Variants in KDM1B observed in about 807,000 individuals in gnomAD.
KDM1B encodes lysine-specific histone demethylase 2.
A neutral mutation model predicts 107.4 loss-of-function variants in KDM1B; 63 were observed. The ratio of observed to expected loss-of-function variants is 0.59; its 90% CI spans 0.48 to 0.72. The LOEUF (loss-of-function observed/expected upper bound fraction) is 0.72. Ranked by LOEUF, KDM1B falls within the 30% of genes least tolerant of loss-of-function variation. KDM1B has a pLI of 0.00. For synonymous variants in KDM1B, 363 were observed against 363.9 expected (o/e 1.00, Z 0.03); for missense variants, 749 against 1,020.8 (o/e 0.73, Z 3.63).
chr6:18,193,194 TAAAAAAAA>T (rs541938365), intron 10 of KDM1B, among the ~76,000 whole-genome samples: 1 of 60,078 alleles, frequency 1.7e-5, no homozygotes, highest in Non-Finnish European at 3.4e-5. Flanking sequence ...AAACTCTGTC[TAAAAAAAA>T]AAAAAAAAAA....
intron 10 of KDM1B, among the ~76,000 whole-genome samples, chr6:18,193,525 C>T (rs879711909): frequency 7.3e-5 from 11 of 151,646 alleles, no homozygotes; most frequent in African/African-American, 2.4e-4. Context: ...TGTTCTCAAA[C>T]TTCTGGGCTT....
chr6:18,197,227 C>T lies in KDM1B; in HGVS notation c.1140C>T (p.Tyr380=). The T allele has an allele frequency of 1.2e-6, 2 of 1,613,326 alleles. No individual in the cohort carries two copies. The highest frequency in any genetic ancestry group is 1.7e-6 in the Non-Finnish European group (2 of 1,179,490). ...GADQYLLPKD[Y]HNKSVIIIGA... The stretch of plus-strand genomic sequence containing the variant: ...ACCAGTATCTTCTCCCTAAGGACTA[C>T]CACAATGTAGGTGATTATAGCTTTA... The change falls in exon 11 of 22, where the codon TAC becomes TAT. Residue 380 remains tyrosine, a synonymous_variant. Coordinates refer to ENST00000650836, the MANE Select transcript of KDM1B (RefSeq NM_001364614.2). This position sits in a 1 kb window ranked among gnomAD's most constrained non-coding sequence, Gnocchi z 4.5.
intron 3 of KDM1B, 62 bp downstream of exon 3, chr6:18,160,044 TG>T: frequency 9.0e-7 from 1 of 1,113,980 alleles, no homozygotes; most frequent in South Asian, 1.4e-5. Flanking sequence ...TGATTGGGAC[TG>T]GAGAATTAGA....
At chr6:18,175,066 G>C (rs1196997672) in intron 7 of KDM1B, among the ~76,000 whole-genome samples, 1 of 152,184 alleles carries the variant, frequency 6.6e-6, no homozygotes, top group Non-Finnish European at 1.5e-5. Flanking sequence ...TCTCCACACT[G>C]TTTTCCATAG....
chr6:18,155,931 G>C lies in KDM1B; in HGVS notation c.-14+5G>C, dbSNP rs1784563540. ...CGGCACCTCTTCAGCGCAAAGGTGAGCCCCGGGGCAGTTGCTTCTCCGACT... is the reference window on the plus strand; with the variant it reads ...CGGCACCTCTTCAGCGCAAAGGTGACCCCCGGGGCAGTTGCTTCTCCGACT... On this transcript the variant is annotated splice_donor_5th_base_variant and intron_variant, in intron 2 of 21. Coordinates refer to ENST00000650836, the MANE Select transcript of KDM1B (RefSeq NM_001364614.2). The surrounding 1 kb of genome is among the most constrained non-coding windows in gnomAD (Gnocchi z 6.2). The C allele has an allele frequency of 6.6e-6, 1 of 152,176 alleles. No individual in the cohort carries two copies. The highest frequency in any genetic ancestry group is 6.5e-5 in the Admixed American group (1 of 15,270). The allele number at this position is 152,176 out of a possible 1,614,324, so 9.4% of individuals were successfully genotyped here.
At chr6:18,189,947 C>A (rs539487623) in intron 9 of KDM1B, among the ~76,000 whole-genome samples, 1 of 151,736 alleles carries the variant, frequency 6.6e-6, no homozygotes, top group Non-Finnish European at 1.5e-5. Flanking sequence ...AGTTTGAGAT[C>A]AGCCTGGCCA....
At chr6:18,174,547 T>C (rs1023624574) in intron 7 of KDM1B, among the ~76,000 whole-genome samples, 3 of 152,136 alleles carry the variant, frequency 2.0e-5, no homozygotes, top group African/African-American at 7.2e-5. Context: ...TTGTGAAATT[T>C]GGTGCACCCA....
chr6:18,158,948 A>T (rs1200861041), intron 2 of KDM1B, among the ~76,000 whole-genome samples: 3 of 152,156 alleles, frequency 2.0e-5, no homozygotes, highest in African/African-American at 7.2e-5. Context: ...GTTGAGTTGT[A>T]CTGAAAAGGA....
intron 6 of KDM1B, among the ~76,000 whole-genome samples, chr6:18,169,234 A>ATTT (rs1177850023): frequency 0.011 from 1,522 of 140,362 alleles, 24 homozygotes; most frequent in African/African-American, 0.038. Flanking sequence ...ATATATATAA[A>ATTT]TTTTTTTTTT....
At chr6:18,177,276 A>G (rs1786084303) in intron 7 of KDM1B, among the ~76,000 whole-genome samples, 1 of 152,028 alleles carries the variant, frequency 6.6e-6, no homozygotes, top group South Asian at 2.1e-4. Context: ...GTAGCCTCGA[A>G]TGATCTTTTG....
At chr6:18,187,769 T>C in intron 8 of KDM1B, 23 bp from the exon 9 acceptor site, 5 of 1,473,182 alleles carry the variant, frequency 3.4e-6, no homozygotes, top group Non-Finnish European at 4.6e-6. Flanking sequence ...TTGTCTCTCT[T>C]CTTCCTGTCT....
At chr6:18,210,342 C>CTTTTCTTTTTTTTTTTTTT in intron 17 of KDM1B, among the ~76,000 whole-genome samples, 1 of 69,990 alleles carries the variant, frequency 1.4e-5, no homozygotes, top group Non-Finnish European at 2.9e-5. Context: ...TCTTTCTTTT[C>CTTTTCTTTTTTTTTTTTTT]TTTTTTTTTT....
intron 7 of KDM1B, among the ~76,000 whole-genome samples, chr6:18,178,146 C>T (rs2150862749): frequency 6.6e-6 from 1 of 152,084 alleles, no homozygotes; most frequent in South Asian, 2.1e-4. Context: ...GCAGTGGCAC[C>T]ATATTGGCTC....
chr6:18,178,609 T>C (rs1582118413), intron 7 of KDM1B, among the ~76,000 whole-genome samples: 1 of 151,826 alleles, frequency 6.6e-6, no homozygotes, highest in Non-Finnish European at 1.5e-5. Context: ...GCCAGGCTGG[T>C]CTCGAACTCC....
rs1021667186 is a variant in KDM1B at position 18,212,901 on chromosome 6, T to C, written c.1983+297T>C. ...TTTTTCCCCCCTTCTGCTTTCTTTC[T>C]TGTCTGCTTTCCACTCATTGGCCCC... On this transcript the variant is annotated intron_variant, in intron 18 of 21. Coordinates refer to ENST00000650836, the MANE Select transcript of KDM1B (RefSeq NM_001364614.2). The surrounding 1 kb of genome is among the most constrained non-coding windows in gnomAD (Gnocchi z 5.2). Among the ~76,000 whole-genome samples the C allele has an allele frequency of 1.3e-5, 2 of 152,214 alleles. No homozygotes were observed. The highest frequency in any genetic ancestry group is 2.9e-5 in the Non-Finnish European group (2 of 68,038).
rs370512641 is a variant in KDM1B, at chr6:18,161,462, T to A, written c.215+8T>A. 2 of 1,613,526 alleles carry A rather than the reference T, an allele frequency of 1.2e-6. No homozygotes were observed. Among genetic ancestry groups the A allele is most frequent in the South Asian group, 1.1e-5 (1 of 90,998 alleles). ...TGCAAGTGCTTCTGAAAGGTCTGTT[T>A]AGATGTGTGTCTTGGCCTCCCATTT... On this transcript the variant is annotated splice_region_variant and intron_variant, in intron 4 of 21. Transcript: ENST00000650836.
At chr6:18,199,754 G>A (rs1787912939) in intron 12 of KDM1B, among the ~76,000 whole-genome samples, 1 of 150,510 alleles carries the variant, frequency 6.6e-6, no homozygotes, top group Non-Finnish European at 1.5e-5. Context: ...CTTATTTGCA[G>A]TCCTAAAGGA....
chr6:18,160,865 T>A (rs1784928271), intron 3 of KDM1B, among the ~76,000 whole-genome samples: 1 of 135,074 alleles, frequency 7.4e-6, no homozygotes. Context: ...ATCTCCTCTA[T>A]CCCCCAGGCT....
chr6:18,171,902 G>A (rs1785688709), intron 7 of KDM1B, among the ~76,000 whole-genome samples: 1 of 152,206 alleles, frequency 6.6e-6, no homozygotes, highest in Non-Finnish European at 1.5e-5. Context: ...GGGGAAACAG[G>A]AGCTTTCCTG....
Sources: gnomAD v4.1 joint callset for allele counts (sites outside exome capture counted in the v4.1 genomes callset) on GRCh38, gnomAD v4.1.1 for gene constraint, Gnocchi (gnomAD v3.1) non-coding constraint, MANE v1.5 for transcripts, NCBI Gene and HGNC (gene_info 2026-07-23, HGNC 2026-07-21) for gene names.